Variants in NTNG1 observed in about 807,000 individuals in gnomAD.
NTNG1 encodes the protein netrin-G1.
A neutral mutation model predicts 54.0 loss-of-function variants in NTNG1; 16 were observed. That is an observed-to-expected ratio of 0.30 (90% CI 0.20 to 0.45). The LOEUF is 0.45. NTNG1 is among the 20% of genes least tolerant of loss of function. The pLI is 1.00. For synonymous variants in NTNG1, 255 were observed against 263.1 expected, an observed-to-expected ratio of 0.97 and a Z score of 0.30; for missense variants, 530 against 678.7, an observed-to-expected ratio of 0.78 and a Z score of 2.43.
At chr1:107,398,607 C>A (rs760132363) in intron 4 of NTNG1, among the ~76,000 whole-genome samples, 5 of 152,172 alleles carry the variant, frequency 3.3e-5, no homozygotes, top group Non-Finnish European at 1.5e-5. Flanking sequence ...ATAAACTTGA[C>A]AGAGGCAGAG....
chr1:107,235,083 GT>G (rs1557832387), intron 2 of NTNG1, among the ~76,000 whole-genome samples: 1 of 152,130 alleles, frequency 6.6e-6, no homozygotes, highest in Non-Finnish European at 1.5e-5. Context: ...AGCAATTGGG[GT>G]TTTAAAAGGT....
At chr1:107,159,689 T>G (rs937951905) in intron 2 of NTNG1, among the ~76,000 whole-genome samples, 45 of 152,220 alleles carry the variant, frequency 3.0e-4, no homozygotes, top group African/African-American at 1.0e-3. Flanking sequence ...AAAACCTTTT[T>G]TAAAAAATCA....
intron 7 of NTNG1, among the ~76,000 whole-genome samples, chr1:107,476,610 C>T (rs1185674506): frequency 6.6e-6 from 1 of 152,162 alleles, no homozygotes; most frequent in Non-Finnish European, 1.5e-5. Flanking sequence ...TATCCATTCA[C>T]ATAACCTGTC....
chr1:107,449,642 T>C (rs1676503565), intron 7 of NTNG1, among the ~76,000 whole-genome samples: 1 of 151,826 alleles, frequency 6.6e-6, no homozygotes, highest in South Asian at 2.1e-4. Flanking sequence ...AGAATATGTC[T>C]GGATTTAAAA....
intron 2 of NTNG1, among the ~76,000 whole-genome samples, chr1:107,246,197 A>G (rs1032393773): frequency 6.6e-6 from 1 of 151,878 alleles, no homozygotes; most frequent in Non-Finnish European, 1.5e-5. Flanking sequence ...GACTACAGGC[A>G]CCTGCCACCA....
chr1:107,450,903 A>G (rs1676579650), intron 7 of NTNG1, among the ~76,000 whole-genome samples: 1 of 152,088 alleles, frequency 6.6e-6, no homozygotes, highest in Non-Finnish European at 1.5e-5. Flanking sequence ...AAACAGACCA[A>G]AAACTAAGTG....
chr1:107,235,430 CAT>C (rs1229292576), intron 2 of NTNG1, among the ~76,000 whole-genome samples: 1 of 152,136 alleles, frequency 6.6e-6, no homozygotes, highest in East Asian at 1.9e-4. Context: ...CTGGTAGGAA[CAT>C]GTCAATGATG....
At chr1:107,217,990 T>C (rs1660085123) in intron 2 of NTNG1, among the ~76,000 whole-genome samples, 1 of 152,158 alleles carries the variant, frequency 6.6e-6, no homozygotes, top group African/African-American at 2.4e-5. Flanking sequence ...TTTAATTCAA[T>C]TGTTTTGTTG....
chr1:107,418,192 A>G lies in NTNG1; in HGVS notation c.1087+10484A>G, dbSNP rs187739232. Among the ~76,000 whole-genome samples, 539 of 152,204 alleles carry G rather than the reference A, an allele frequency of 3.5e-3. 5 individuals carry two copies. Among genetic ancestry groups the G allele is most frequent in the African/African-American group, 0.012 (512 of 41,556 alleles). On this transcript the variant is annotated intron_variant, in intron 5 of 7. Coordinates refer to ENST00000370068, the MANE Select transcript of NTNG1 (RefSeq NM_001113226.3). ...ATGCAACCAGTTCATATCTGTAAATATAAATTGAGGAGAATGGAATCCTCA... is the reference window on the plus strand; with the variant it reads ...ATGCAACCAGTTCATATCTGTAAATGTAAATTGAGGAGAATGGAATCCTCA...
Position 107,304,442 on chromosome 1 carries a change from A to G in NTNG1, c.247-19840A>G, listed in dbSNP as rs375381094. On this transcript the variant is annotated intron_variant, in intron 2 of 7. Transcript: ENST00000370068. ...CCAAATACATGAATTCTTCCTTTCT[A>G]TAGAAGAGCTCATCAACCTCCTACA... 1.3e-3 allele frequency among the ~76,000 whole-genome samples: 195 copies of G among 152,270 alleles called. 1 individual carries two copies. The highest frequency in any genetic ancestry group is 4.6e-3 in the African/African-American group (190 of 41,548).
intron 3 of NTNG1, among the ~76,000 whole-genome samples, chr1:107,343,850 CTTGTCAGT>C (rs1271984116): frequency 6.6e-6 from 1 of 152,148 alleles, no homozygotes; most frequent in Non-Finnish European, 1.5e-5. Context: ...AAAATGAACA[CTTGTCAGT>C]TTCCAAAGGG....
At chr1:107,456,002 G>A (rs2101515096) in intron 7 of NTNG1, among the ~76,000 whole-genome samples, 1 of 152,268 alleles carries the variant, frequency 6.6e-6, no homozygotes, top group Admixed American at 6.5e-5. Context: ...GAAGAGGTTT[G>A]AAAGGATGCA....
intron 3 of NTNG1, among the ~76,000 whole-genome samples, chr1:107,375,504 A>AT (rs1417474094): frequency 6.6e-6 from 1 of 152,084 alleles, no homozygotes. Flanking sequence ...CTTAATTAAT[A>AT]TTTTTTCCAG....
rs147941722 is a variant in NTNG1 at position 107,474,741 on chromosome 1, A to C, written c.1391-5870A>C. On this transcript the variant is annotated intron_variant, in intron 7 of 7. Transcript: ENST00000370068. ...ATGATTGAAGGGCAGAGAGAGAAAG[A>C]GGAAAAGAAAGGGTCAGCCCACCCC... 2.4e-3 allele frequency among the ~76,000 whole-genome samples: 365 copies of C among 152,308 alleles called. 2 individuals are homozygous for C. The highest frequency in any genetic ancestry group is 8.4e-3 in the African/African-American group (348 of 41,576).
chr1:107,480,705 C>T lies in NTNG1; in HGVS notation c.1485C>T (p.Ile495=), dbSNP rs557420894. ...TGTGCCCGGCCGCATACACGGGCAT[C>T]CTCTGCGAGAAGCTGCGGTGCGAGG... is the stretch of plus-strand genomic sequence containing the variant. The part of the protein sequence containing the change: ...RCLCPAAYTG[I]LCEKLRCEEA... Residue 495 remains isoleucine, a synonymous_variant, in exon 8 of 8, where the codon ATC becomes ATT. Coordinates refer to ENST00000370068, the MANE Select transcript of NTNG1 (RefSeq NM_001113226.3). 6.2e-7 allele frequency: 1 copy of T among 1,611,552 alleles called. No individual in the cohort carries two copies. The highest frequency in any genetic ancestry group is 1.7e-5 in the Admixed American group (1 of 59,974).
intron 4 of NTNG1, among the ~76,000 whole-genome samples, chr1:107,405,246 C>CGTCCA (rs1308493253): frequency 6.6e-6 from 1 of 152,138 alleles, no homozygotes; most frequent in Non-Finnish European, 1.5e-5. Context: ...TAGTAGTGGA[C>CGTCCA]ATCCCTTGGT....
intron 2 of NTNG1, among the ~76,000 whole-genome samples, chr1:107,312,195 TATGA>T (rs1667058466): frequency 6.6e-6 from 1 of 152,106 alleles, no homozygotes; most frequent in Admixed American, 6.6e-5. Context: ...GCAATGGCAA[TATGA>T]ATGAAGCTGC....
At chr1:107,434,169 C>A (rs1049915906) in intron 6 of NTNG1, among the ~76,000 whole-genome samples, 6 of 152,172 alleles carry the variant, frequency 3.9e-5, no homozygotes, top group African/African-American at 1.4e-4. Flanking sequence ...AAATTCACCA[C>A]CCTTGCTGTA....
At chr1:107,282,237 G>A (rs1461753993) in intron 2 of NTNG1, among the ~76,000 whole-genome samples, 2 of 152,088 alleles carry the variant, frequency 1.3e-5, no homozygotes, top group Non-Finnish European at 2.9e-5. Flanking sequence ...TTGCCAATGA[G>A]ATAATATCCA....
Sources: allele counts gnomAD v4.1 joint callset (sites outside exome capture counted in the v4.1 genomes callset), GRCh38; gene constraint gnomAD v4.1.1; transcripts MANE v1.5; gene names NCBI Gene and HGNC (gene_info 2026-07-23, HGNC 2026-07-21).